Variants in SLC36A1 observed in about 807,000 individuals in gnomAD.
SLC36A1 encodes solute carrier family 36 member 1.
A neutral mutation model predicts 47.5 loss-of-function variants in SLC36A1; 30 were observed. That is an observed-to-expected ratio of 0.63 (90% CI 0.47 to 0.86). SLC36A1 has a LOEUF of 0.86. Among genes scored for constraint, SLC36A1 ranks in the 40% least tolerant of loss-of-function variants. The pLI, the probability that SLC36A1 is intolerant of heterozygous loss-of-function variation, is 0.00. For missense variants in SLC36A1, 517 were observed against 606.0 expected, an observed-to-expected ratio of 0.85 and a Z score of 1.54; for synonymous variants, 255 against 249.7, an observed-to-expected ratio of 1.02 and a Z score of -0.20.
At chr5:151,423,383 A>G in the SLC36A1 span, among the ~76,000 whole-genome samples, 1 of 152,236 alleles carries the variant, frequency 6.6e-6, no homozygotes, top group Admixed American at 6.5e-5. Flanking sequence ...TTGGAAGCAA[A>G]CAAAATGTCC....
At chr5:151,391,526 T>C in the SLC36A1 span, among the ~76,000 whole-genome samples, 2 of 152,328 alleles carry the variant, frequency 1.3e-5, no homozygotes, top group Admixed American at 6.5e-5. Context: ...CAGAATGATA[T>C]TGGCTGTGGG....
chr5:151,369,126 T>G, the SLC36A1 span, among the ~76,000 whole-genome samples: 1 of 152,184 alleles, frequency 6.6e-6, no homozygotes, highest in Non-Finnish European at 1.5e-5. Context: ...CCCTGAAGTT[T>G]TCTAAAAAAC....
At chr5:151,403,255 T>C in the SLC36A1 span, among the ~76,000 whole-genome samples, 5 of 152,228 alleles carry the variant, frequency 3.3e-5, no homozygotes, top group Admixed American at 1.3e-4. Context: ...GCTTTAATTT[T>C]GTTGTTTACC....
At chr5:151,467,669 G>C in intron 6 of SLC36A1, 38 bp from the exon 7 acceptor site, 4 of 1,545,406 alleles carry the variant, frequency 2.6e-6, no homozygotes, top group Non-Finnish European at 3.6e-6. Context: ...TCTGTTGTTT[G>C]AGAGGTGTTT....
At chr5:151,544,321 G>A in the SLC36A1 span, 1 of 1,614,200 alleles carries the variant, frequency 6.2e-7, no homozygotes, top group Non-Finnish European at 8.5e-7. Flanking sequence ...AAAAGTGGGA[G>A]GGTTATCATT....
At chr5:151,546,165 A>G in the SLC36A1 span, 3 of 1,614,168 alleles carry the variant, frequency 1.9e-6, no homozygotes, top group Non-Finnish European at 2.5e-6. Context: ...GGGCACTCCT[A>G]TCTGAGGGAT....
At position 151,458,291 on chromosome 5, in the gene SLC36A1, T is replaced by C. The variant is rs531445908; in HGVS notation, c.-5-497T>C. The stretch of plus-strand genomic sequence containing the variant: ...GTGTATATGTGTATACGTGTATATA[T>C]ATACATACACGTGTATATACGTATA... On this transcript the variant is annotated intron_variant, in intron 1 of 10. Coordinates refer to ENST00000243389, the MANE Select transcript of SLC36A1 (RefSeq NM_078483.4). Among the ~76,000 whole-genome samples the C allele has an allele frequency of 2.5e-4, 35 of 139,920 alleles. No individual in the cohort carries two copies. In the South Asian group the frequency reaches 7.8e-3, roughly 31 times the overall value. 91.8% of individuals were successfully genotyped at this position (139,920 alleles called of 152,430 possible).
At chr5:151,555,023 C>T in the SLC36A1 span, among the ~76,000 whole-genome samples, 6 of 152,034 alleles carry the variant, frequency 3.9e-5, no homozygotes, top group Admixed American at 1.3e-4. Context: ...TTAAGTTGCT[C>T]GATTAGAGAA....
chr5:151,476,972 A>G (rs1758154879), intron 9 of SLC36A1: 2 of 687,596 alleles, frequency 2.9e-6, no homozygotes, highest in Non-Finnish European at 5.3e-6. Context: ...GGTGCTGATC[A>G]GCCGATGGGT....
chr5:151,531,452 G>T, the SLC36A1 span: 2 of 1,224,046 alleles, frequency 1.6e-6, no homozygotes, highest in African/African-American at 1.5e-5. This position sits in a 1 kb window ranked among gnomAD's most constrained non-coding sequence, Gnocchi z 5.7. Flanking sequence ...AGAAGCAGAA[G>T]AGAATGGAGA....
At chr5:151,546,064 G>T in the SLC36A1 span, 3 of 1,614,196 alleles carry the variant, frequency 1.9e-6, no homozygotes, top group Non-Finnish European at 2.5e-6. Flanking sequence ...GGTAACTTCA[G>T]AGGGGCTCAT....
chr5:151,356,736 C>T, the SLC36A1 span, among the ~76,000 whole-genome samples: 1 of 152,198 alleles, frequency 6.6e-6, no homozygotes, highest in Non-Finnish European at 1.5e-5. Flanking sequence ...TGGTCAGCCC[C>T]TCTTCTAGGC....
chr5:151,376,324 C>T, the SLC36A1 span, among the ~76,000 whole-genome samples: 2 of 152,176 alleles, frequency 1.3e-5, no homozygotes, highest in Admixed American at 6.5e-5. Flanking sequence ...AATAAATAGT[C>T]TAGCTAGAAG....
the SLC36A1 span, among the ~76,000 whole-genome samples, chr5:151,388,073 C>G: frequency 2.6e-5 from 4 of 152,110 alleles, no homozygotes; most frequent in South Asian, 8.3e-4. Flanking sequence ...TGTAGAGAAC[C>G]CCCTTCCCTT....
the SLC36A1 span, among the ~76,000 whole-genome samples, chr5:151,369,670 C>T: frequency 3.3e-3 from 507 of 152,306 alleles, 8 homozygotes; most frequent in African/African-American, 0.012. Flanking sequence ...TTTGTAGATA[C>T]AGGGTCTCGC....
chr5:151,540,815 G>A, the SLC36A1 span: 2 of 1,514,946 alleles, frequency 1.3e-6, no homozygotes, highest in Non-Finnish European at 1.8e-6. Flanking sequence ...AATGAACTAG[G>A]CTTTGTGTCA....
At chr5:151,408,071 G>A in the SLC36A1 span, among the ~76,000 whole-genome samples, 609 of 152,276 alleles carry the variant, frequency 4.0e-3, 9 homozygotes, top group African/African-American at 0.014. Flanking sequence ...CGAGGCTCAC[G>A]GTCACTCTAG....
At chr5:151,472,166 G>A (rs991127325) in intron 7 of SLC36A1, among the ~76,000 whole-genome samples, 15 of 152,234 alleles carry the variant, frequency 9.9e-5, no homozygotes, top group African/African-American at 3.4e-4. Context: ...TTCCACAACA[G>A]GCCGTCTGCA....
At chr5:151,359,587 C>T in the SLC36A1 span, among the ~76,000 whole-genome samples, 51 of 152,316 alleles carry the variant, frequency 3.3e-4, no homozygotes, top group Admixed American at 1.6e-3. Context: ...ATCACCACCA[C>T]GAGCCAGTTT....
Sources: allele counts gnomAD v4.1 joint callset (sites outside exome capture counted in the v4.1 genomes callset), GRCh38; gene constraint gnomAD v4.1.1; non-coding constraint Gnocchi (gnomAD v3.1); transcripts MANE v1.5; gene names NCBI Gene and HGNC (gene_info 2026-07-23, HGNC 2026-07-21).